The following AP3B1 variants were observed in gnomAD, a reference collection of about 807,000 sequenced individuals.
AP3B1 encodes the protein adaptor related protein complex 3 subunit beta 1.
A neutral mutation model predicts 132.5 loss-of-function variants in AP3B1; 61 were observed. That is an observed-to-expected ratio of 0.46 (90% CI 0.37 to 0.57). The LOEUF is 0.57. Ranked by LOEUF, AP3B1 falls within the 20% of genes least tolerant of loss-of-function variation. The pLI, the probability that AP3B1 is intolerant of heterozygous loss-of-function variation, is 0.00. For missense variants in AP3B1, 1,120 were observed against 1,289.4 expected (o/e 0.87, Z 2.01); for synonymous variants, 388 against 438.3 (o/e 0.89, Z 1.43).
chr5:78,247,256 A>G (rs1224006130), intron 2 of AP3B1, among the ~76,000 whole-genome samples: 2 of 148,996 alleles, frequency 1.3e-5, no homozygotes, highest in South Asian at 2.1e-4. Context: ...CTATCTTGCT[A>G]ATATAGATAA....
chr5:78,014,166 C>G (rs960559019), intron 26 of AP3B1, among the ~76,000 whole-genome samples: 2 of 145,870 alleles, frequency 1.4e-5, no homozygotes, highest in Non-Finnish European at 3.0e-5. Flanking sequence ...GTCTCAACAA[C>G]AACAAAAAAG....
At chr5:78,086,457 G>A (rs1561395974) in intron 22 of AP3B1, among the ~76,000 whole-genome samples, 1 of 152,118 alleles carries the variant, frequency 6.6e-6, no homozygotes, top group Non-Finnish European at 1.5e-5. Context: ...AATAATGGAG[G>A]CACTGGGAGG....
rs143712303 is a variant in AP3B1, at chr5:78,273,266, G to A, written c.129-5671C>T. 2.0e-4 allele frequency among the ~76,000 whole-genome samples: 31 copies of A among 152,228 alleles called. 1 individual carries two copies. Among genetic ancestry groups the A allele is most frequent in the African/African-American group, 7.0e-4 (29 of 41,524 alleles). Reference sequence around the variant, plus strand: ...CTAAAAATACAAAAAGTAGCCAGGTGTGGTGACATGCGCCTGTAATCCCAG... The same window carrying A: ...CTAAAAATACAAAAAGTAGCCAGGTATGGTGACATGCGCCTGTAATCCCAG... On this transcript the variant is annotated intron_variant, in intron 1 of 26. Transcript: ENST00000255194.
intron 11 of AP3B1, among the ~76,000 whole-genome samples, chr5:78,175,210 C>T (rs1334164252): frequency 6.6e-6 from 1 of 152,208 alleles, no homozygotes; most frequent in Non-Finnish European, 1.5e-5. Context: ...CTTTAGCTCA[C>T]CCTCTGGGGC....
At chr5:78,079,248 T>C (rs546868323) in intron 22 of AP3B1, among the ~76,000 whole-genome samples, 1 of 152,326 alleles carries the variant, frequency 6.6e-6, no homozygotes, top group South Asian at 2.1e-4. Context: ...AGGGTTGAAA[T>C]ATTTCTATTT....
chr5:78,074,809 G>T (rs753301011), intron 22 of AP3B1, among the ~76,000 whole-genome samples: 1 of 152,162 alleles, frequency 6.6e-6, no homozygotes, highest in Non-Finnish European at 1.5e-5. Context: ...CTAGCCGGGC[G>T]TGGTGGCACA....
chr5:78,025,517 A>G (rs1240848068), intron 24 of AP3B1, among the ~76,000 whole-genome samples: 1 of 152,228 alleles, frequency 6.6e-6, no homozygotes, highest in East Asian at 1.9e-4. Context: ...AATTATAAAC[A>G]GAACTTCAGT....
At chr5:78,244,581 G>A (rs542286775) in intron 2 of AP3B1, among the ~76,000 whole-genome samples, 1 of 152,128 alleles carries the variant, frequency 6.6e-6, no homozygotes, top group East Asian at 1.9e-4. Flanking sequence ...TGGGAATAAA[G>A]GCTACAGAAT....
intron 26 of AP3B1, among the ~76,000 whole-genome samples, chr5:78,012,396 G>T (rs966112246): frequency 1.3e-5 from 2 of 151,760 alleles, no homozygotes; most frequent in South Asian, 2.1e-4. Context: ...ATTGCTATTA[G>T]CAAAAAGAAT....
At chr5:78,066,606 C>G (rs1216551887) in intron 22 of AP3B1, among the ~76,000 whole-genome samples, 1 of 151,882 alleles carries the variant, frequency 6.6e-6, no homozygotes, top group Middle Eastern at 3.2e-3. Context: ...GACAGGCAGA[C>G]AAAATTAGAG....
chr5:78,294,327 A>G (rs1749659794), intron 1 of AP3B1, 125 bp downstream of exon 1: 2 of 1,412,466 alleles, frequency 1.4e-6, no homozygotes, highest in Non-Finnish European at 1.9e-6. Flanking sequence ...GGGACACGTT[A>G]CCGCCCTGCC....
chr5:78,124,014 A>C (rs1487187971), intron 17 of AP3B1, among the ~76,000 whole-genome samples: 1 of 152,258 alleles, frequency 6.6e-6, no homozygotes, highest in African/African-American at 2.4e-5. Flanking sequence ...AATACTATGC[A>C]GCCATAAAAA....
chr5:78,124,371 C>A (rs1752372138), intron 17 of AP3B1, among the ~76,000 whole-genome samples: 1 of 152,104 alleles, frequency 6.6e-6, no homozygotes, highest in Non-Finnish European at 1.5e-5. Flanking sequence ...CACACACACA[C>A]ACACAAAATC....
At position 78,126,504 on chromosome 5, in the gene AP3B1, C is replaced by CAAAAAAAAA. The variant is rs70997969; in HGVS notation, c.1968+1517_1968+1525dup. On this transcript the variant is annotated intron_variant, in intron 17 of 26. Transcript: ENST00000255194. ...TGGGTGACAGAGCAAGACTCTGTCT[C>CAAAAAAAAA]AAAAAAAAAAAAAAAAAAAAAAAAA... Among the ~76,000 whole-genome samples the CAAAAAAAAA allele has an allele frequency of 4.4e-3, 273 of 62,336 alleles. 12 individuals carry two copies. The highest frequency in any genetic ancestry group is 0.02 in the African/African-American group (254 of 12,750). 40.9% of individuals were successfully genotyped at this position (62,336 alleles called of 152,430 possible).
At chr5:78,198,197 A>T (rs1745148546) in intron 7 of AP3B1, among the ~76,000 whole-genome samples, 1 of 152,136 alleles carries the variant, frequency 6.6e-6, no homozygotes, top group Non-Finnish European at 1.5e-5. Context: ...GTGCCATCTC[A>T]AGATTTACAC....
intron 1 of AP3B1, among the ~76,000 whole-genome samples, chr5:78,288,911 T>C (rs1749393144): frequency 6.7e-6 from 1 of 148,166 alleles, no homozygotes; most frequent in African/African-American, 2.5e-5. Context: ...TAGAGCAAGC[T>C]CTAAACAACT....
chr5:78,011,487 T>C lies in AP3B1; in HGVS notation c.3131+3923A>G, dbSNP rs553998970. On this transcript the variant is annotated intron_variant, in intron 26 of 26. Coordinates refer to ENST00000255194, the MANE Select transcript of AP3B1 (RefSeq NM_003664.5). ...TATCACTCATTTAGAAAATTACAACTAAAAATCATATAATCTAACAGTAGA... is the reference window on the plus strand; with the variant it reads ...TATCACTCATTTAGAAAATTACAACCAAAAATCATATAATCTAACAGTAGA... 2.8e-4 allele frequency among the ~76,000 whole-genome samples: 43 copies of C among 152,350 alleles called. No individual in the cohort carries two copies. In the South Asian group the frequency reaches 7.0e-3, roughly 25 times the overall value.
chr5:78,022,176 A>G (rs1747135289), intron 24 of AP3B1, among the ~76,000 whole-genome samples: 1 of 152,182 alleles, frequency 6.6e-6, no homozygotes, highest in Non-Finnish European at 1.5e-5. Context: ...CAATTTATTT[A>G]TCAATTCAAT....
At chr5:78,265,056 T>C (rs1333823926) in intron 2 of AP3B1, among the ~76,000 whole-genome samples, 1 of 152,194 alleles carries the variant, frequency 6.6e-6, no homozygotes, top group African/African-American at 2.4e-5. Context: ...AATAACTCTT[T>C]TACTGTCAGT....
Sources: gnomAD v4.1 joint callset for allele counts (sites outside exome capture counted in the v4.1 genomes callset) on GRCh38, gnomAD v4.1.1 for gene constraint, MANE v1.5 for transcripts, NCBI Gene and HGNC (gene_info 2026-07-23, HGNC 2026-07-21) for gene names.